The following KIAA1549L variants were observed in gnomAD, a reference collection of about 807,000 sequenced individuals.
The protein encoded by KIAA1549L is KIAA1549 like.
In KIAA1549L, 88 loss-of-function variants were observed where a neutral mutation model predicts 160.7. The observed-to-expected ratio is 0.55, with a 90% CI of 0.46 to 0.65. The LOEUF (loss-of-function observed/expected upper bound fraction) is 0.65. KIAA1549L is among the 30% of genes least tolerant of loss of function. The pLI, the probability that KIAA1549L is intolerant of heterozygous loss-of-function variation, is 0.00. For synonymous variants in KIAA1549L, 950 were observed against 976.7 expected, an observed-to-expected ratio of 0.97 and a Z score of 0.51; for missense variants, 2,258 against 2,437.5, an observed-to-expected ratio of 0.93 and a Z score of 1.55.
intron 1 of KIAA1549L, among the ~76,000 whole-genome samples, chr11:33,378,432 C>T (rs1590208567): frequency 2.0e-5 from 3 of 152,130 alleles, no homozygotes; most frequent in African/African-American, 4.8e-5. Flanking sequence ...TCTTTCAGAC[C>T]GCCAGAGCCT....
At chr11:33,407,671 A>T (rs1238531078) in intron 1 of KIAA1549L, among the ~76,000 whole-genome samples, 3 of 152,050 alleles carry the variant, frequency 2.0e-5, no homozygotes, top group Non-Finnish European at 4.4e-5. Flanking sequence ...ATTCCTTCAA[A>T]CCACCCACCT....
chr11:33,397,721 CACACACACACACA>C (rs1850411219), intron 1 of KIAA1549L, among the ~76,000 whole-genome samples: 1 of 26,948 alleles, frequency 3.7e-5, no homozygotes, highest in African/African-American at 9.5e-5. Flanking sequence ...CACACACACA[CACACACACACACA>C]CACACACACA....
chr11:33,503,535 G>A (rs573244604), intron 1 of KIAA1549L, among the ~76,000 whole-genome samples: 31 of 152,302 alleles, frequency 2.0e-4, no homozygotes, highest in African/African-American at 7.2e-4. Flanking sequence ...AGGCAAAGTA[G>A]TTCTCCTTCC....
chr11:33,382,714 G>A (rs1850096043), intron 1 of KIAA1549L, among the ~76,000 whole-genome samples: 1 of 152,116 alleles, frequency 6.6e-6, no homozygotes, highest in South Asian at 2.1e-4. Context: ...CTTACAAGAT[G>A]TCCCAAATCT....
chr11:33,443,308 C>T (rs1049007973), intron 1 of KIAA1549L, among the ~76,000 whole-genome samples: 1 of 151,836 alleles, frequency 6.6e-6, no homozygotes, highest in African/African-American at 2.4e-5. Flanking sequence ...CCCATTTGCT[C>T]TTCTTTTTAG....
At chr11:33,658,660 A>T (rs1164199858) in intron 18 of KIAA1549L, 90 bp from the exon 19 acceptor site, 1 of 1,356,466 alleles carries the variant, frequency 7.4e-7, no homozygotes, top group Non-Finnish European at 1.0e-6. Context: ...GCAGCTGTCC[A>T]TGCCCAAAGG....
At chr11:33,598,276 T>C (rs1452597824) in intron 12 of KIAA1549L, among the ~76,000 whole-genome samples, 1 of 150,926 alleles carries the variant, frequency 6.6e-6, no homozygotes, top group Non-Finnish European at 1.5e-5. Flanking sequence ...GAATAAGGCA[T>C]AGTTGAGTTT....
chr11:33,622,859 A>G (rs1850997661), intron 16 of KIAA1549L, among the ~76,000 whole-genome samples: 1 of 152,194 alleles, frequency 6.6e-6, no homozygotes, highest in Non-Finnish European at 1.5e-5. Context: ...AGCTCAGTCC[A>G]CAACAGCCTG....
At chr11:33,583,209 C>A in intron 10 of KIAA1549L, 129 bp from the exon 11 acceptor site, 2 of 858,626 alleles carry the variant, frequency 2.3e-6, no homozygotes, top group Non-Finnish European at 3.5e-6. Context: ...GGCTTTCTAA[C>A]CCCAAACCCT....
chr11:33,481,058 G>A (rs1852401859), intron 1 of KIAA1549L, among the ~76,000 whole-genome samples: 2 of 152,092 alleles, frequency 1.3e-5, no homozygotes, highest in South Asian at 4.1e-4. Flanking sequence ...AGTTGCTTTG[G>A]CTTGTTTTTC....
At chr11:33,634,968 C>G (rs1394686779) in intron 16 of KIAA1549L, among the ~76,000 whole-genome samples, 1 of 152,108 alleles carries the variant, frequency 6.6e-6, no homozygotes, top group Admixed American at 6.5e-5. Flanking sequence ...TCCATTTGCA[C>G]GCCTTTGCAG....
chr11:33,633,579 A>C (rs1402878877), intron 16 of KIAA1549L, among the ~76,000 whole-genome samples: 1 of 152,200 alleles, frequency 6.6e-6, no homozygotes, highest in African/African-American at 2.4e-5. Flanking sequence ...CGCTCCCTGC[A>C]GTGCCAGCTC....
At chr11:33,584,766 T>A (rs1855756435) in intron 11 of KIAA1549L, among the ~76,000 whole-genome samples, 1 of 152,182 alleles carries the variant, frequency 6.6e-6, no homozygotes, top group Non-Finnish European at 1.5e-5. Context: ...GAGGGGTGAC[T>A]GAGGCTCACA....
intron 8 of KIAA1549L, 86 bp downstream of exon 8, chr11:33,561,821 T>G: frequency 3.0e-6 from 3 of 988,994 alleles, no homozygotes; most frequent in Non-Finnish European, 4.8e-6. Context: ...TTAATAAGAT[T>G]GGCACTTTTC....
chr11:33,632,877 T>C (rs1851336005), intron 16 of KIAA1549L, among the ~76,000 whole-genome samples: 1 of 152,130 alleles, frequency 6.6e-6, no homozygotes, highest in African/African-American at 2.4e-5. Context: ...ATTATAAACA[T>C]GAGCACTGTG....
At chr11:33,510,965 A>G (rs528167605) in intron 1 of KIAA1549L, among the ~76,000 whole-genome samples, 1 of 152,324 alleles carries the variant, frequency 6.6e-6, no homozygotes, top group East Asian at 1.9e-4. Flanking sequence ...TTCAAATCCC[A>G]CTCAGGGAGG....
In KIAA1549L at chr11:33,543,337, C is replaced by G. The variant is rs368649665; in HGVS notation, c.1774C>G (p.Leu592Val). Residue 592 changes from leucine (L) to valine (V), a missense_variant, in exon 2 of 21, where the codon CTT becomes GTT. Transcript: ENST00000658780. ...CTTTCCAAGGAAAGAGGTTTTGAGT[C>G]TTCACACTGTAAATGGATTTGTCTC... ...QAFPRKEVLS[L>V]HTVNGFVSDF... The G allele has an allele frequency of 3.8e-5, 62 of 1,614,048 alleles. No homozygotes were observed. The African/African-American group carries it at 7.2e-4, about 19-fold the overall frequency.
At chr11:33,416,336 T>G (rs1429030637) in intron 1 of KIAA1549L, among the ~76,000 whole-genome samples, 1 of 152,204 alleles carries the variant, frequency 6.6e-6, no homozygotes, top group Admixed American at 6.5e-5. Context: ...ATTGGTCAGC[T>G]GTTCCATTCC....
rs1267963448 is a variant in KIAA1549L, at chr11:33,544,249, G to A, written c.2686G>A (p.Ala896Thr). The A allele has an allele frequency of 6.2e-7, 1 of 1,613,986 alleles. No homozygotes were observed. ...CCAGAACATCTTGGGATATCACTCT[G>A]CTGCTGAATCTTCTATATCGACCAG... is the stretch of plus-strand genomic sequence containing the variant. ...PFQNILGYHS[A>T]AESSISTSVF... Residue 896 changes from alanine to threonine, a missense_variant, in exon 2 of 21, where the codon GCT becomes ACT. Around this residue, in one of 6 missense-constraint regions of KIAA1549L, gnomAD observed 287 missense variants for 292.3 expected, o/e 0.98. Coordinates refer to ENST00000658780, the MANE Select transcript of KIAA1549L (RefSeq NM_012194.3).
Sources: allele counts gnomAD v4.1 joint callset (sites outside exome capture counted in the v4.1 genomes callset), GRCh38; gene constraint gnomAD v4.1.1; regional missense constraint gnomAD v4.1.1; transcripts MANE v1.5; gene names NCBI Gene and HGNC (gene_info 2026-07-23, HGNC 2026-07-21).